Variants in SOX5 observed in about 807,000 individuals in gnomAD.
SOX5 encodes the protein SRY-box transcription factor 5.
A neutral mutation model predicts 92.0 loss-of-function variants in SOX5; 9 were observed. The observed-to-expected ratio is 0.10, with a 90% confidence interval of 0.06 to 0.17. The LOEUF (loss-of-function observed/expected upper bound fraction) is 0.17, where lower values mean the gene tolerates loss of function less well. Ranked by LOEUF, SOX5 falls within the 10% of genes least tolerant of loss-of-function variation. The probability of loss-of-function intolerance (pLI) is 1.00; values close to 1 mark genes in which losing one functional copy is unlikely to be tolerated. For missense variants in SOX5, 642 were observed against 944.5 expected (o/e 0.68, Z 4.20); for synonymous variants, 344 against 336.3 (o/e 1.02, Z -0.25).
intron 4 of SOX5, among the ~76,000 whole-genome samples, chr12:24,062,950 T>G (rs907618360): frequency 3.9e-5 from 6 of 152,216 alleles, no homozygotes; most frequent in African/African-American, 1.4e-4. Context: ...TGTACAGTGA[T>G]TTAAGAATGA....
At chr12:23,917,947 A>C (rs564694044) in intron 1 of SOX5, among the ~76,000 whole-genome samples, 2 of 152,304 alleles carry the variant, frequency 1.3e-5, no homozygotes, top group African/African-American at 4.8e-5. Context: ...ACTAATTATG[A>C]GTAATTCTTC....
chr12:24,185,216 A>G (rs1955894978), intron 4 of SOX5, among the ~76,000 whole-genome samples: 1 of 152,124 alleles, frequency 6.6e-6, no homozygotes, highest in East Asian at 1.9e-4. Context: ...AGGGATCTTT[A>G]CAAACTAAAC....
At chr12:24,473,827 G>C (rs1322699920) in intron 1 of SOX5, among the ~76,000 whole-genome samples, 2 of 152,064 alleles carry the variant, frequency 1.3e-5, no homozygotes, top group African/African-American at 4.8e-5. Flanking sequence ...ATCTATAATC[G>C]AAGATAGAGT....
chr12:23,671,634 A>G (rs1005717183), intron 6 of SOX5, among the ~76,000 whole-genome samples: 2 of 152,176 alleles, frequency 1.3e-5, no homozygotes, highest in African/African-American at 2.4e-5. Context: ...AAGAAAGTCA[A>G]TTTGTCAGTT....
chr12:23,959,719 A>G (rs1402690563), intron 4 of SOX5, among the ~76,000 whole-genome samples: 1 of 152,200 alleles, frequency 6.6e-6, no homozygotes, highest in Admixed American at 6.5e-5. Flanking sequence ...TAGTAAAATA[A>G]GCAAGCAATA....
intron 4 of SOX5, among the ~76,000 whole-genome samples, chr12:24,153,641 T>C (rs1951876768): frequency 6.6e-6 from 1 of 152,070 alleles, no homozygotes; most frequent in Admixed American, 6.6e-5. Flanking sequence ...TCTTGCACAC[T>C]CCACTGAAAT....
At chr12:23,763,258 A>T (rs2094613716) in intron 3 of SOX5, among the ~76,000 whole-genome samples, 1 of 152,200 alleles carries the variant, frequency 6.6e-6, no homozygotes, top group South Asian at 2.1e-4. Flanking sequence ...GAGATAATTT[A>T]TGTAACGCCA....
intron 3 of SOX5, among the ~76,000 whole-genome samples, chr12:24,239,002 G>A (rs1965059993): frequency 6.6e-6 from 1 of 152,150 alleles, no homozygotes; most frequent in South Asian, 2.1e-4. Context: ...GAATAGATCT[G>A]CCTTTTATTT....
intron 6 of SOX5, among the ~76,000 whole-genome samples, chr12:23,686,720 C>A (rs2139932726): frequency 6.6e-6 from 1 of 152,088 alleles, no homozygotes; most frequent in East Asian, 1.9e-4. Context: ...AAAGGAAATT[C>A]TTTTTCCTTT....
intron 4 of SOX5, among the ~76,000 whole-genome samples, chr12:24,101,443 G>A (rs1483909752): frequency 6.6e-6 from 1 of 151,776 alleles, no homozygotes; most frequent in Non-Finnish European, 1.5e-5. Context: ...ACTAACACTC[G>A]TTTCAATCTA....
At chr12:23,670,832 T>C (rs1023417374) in intron 6 of SOX5, among the ~76,000 whole-genome samples, 12 of 152,022 alleles carry the variant, frequency 7.9e-5, no homozygotes, top group Non-Finnish European at 4.4e-5. Context: ...AAAAGAGTGA[T>C]AGAAGATGCC....
chr12:24,229,330 T>A (rs1962864186), intron 3 of SOX5, among the ~76,000 whole-genome samples: 1 of 152,148 alleles, frequency 6.6e-6, no homozygotes, highest in African/African-American at 2.4e-5. Flanking sequence ...AGTGTCGAAC[T>A]GAGAATTGCA....
rs939677303 is a variant in SOX5, at chr12:24,053,411, T to C, written c.-1-157387A>G. The stretch of plus-strand genomic sequence containing the variant: ...TCCCAAAGTGCTGTGATTATAGGCA[T>C]GAGCTACCGCGCCTGGCCCCGTACT... On this transcript the variant is annotated intron_variant, in intron 4 of 4. Coordinates refer to the SOX5 transcript ENST00000446891. Among the ~76,000 whole-genome samples the C allele has an allele frequency of 9.9e-5, 15 of 152,128 alleles. 1 individual carries two copies. Among genetic ancestry groups the C allele is most frequent in the African/African-American group, 3.1e-4 (13 of 41,398 alleles).
At chr12:23,932,371 AC>A (rs760712418) in intron 1 of SOX5, among the ~76,000 whole-genome samples, 13 of 151,600 alleles carry the variant, frequency 8.6e-5, no homozygotes, top group Non-Finnish European at 1.0e-4. Flanking sequence ...GCTTGACTGG[AC>A]CCTTGATTTT....
intron 4 of SOX5, among the ~76,000 whole-genome samples, chr12:24,054,777 C>T (rs755471132): frequency 2.0e-5 from 3 of 152,198 alleles, no homozygotes; most frequent in Admixed American, 6.5e-5. Context: ...AATGTCACTT[C>T]GTCTTAAGAC....
chr12:24,526,018 G>A (rs1007849020), intron 1 of SOX5, among the ~76,000 whole-genome samples: 2 of 151,968 alleles, frequency 1.3e-5, no homozygotes, highest in Non-Finnish European at 2.9e-5. Flanking sequence ...CCACAAGCAC[G>A]CACCACCATG....
chr12:24,393,829 T>C lies in SOX5; in HGVS notation c.-250-25190A>G, dbSNP rs1044938774. On this transcript the variant is annotated intron_variant, in intron 1 of 4. Transcript: ENST00000446891. This position sits in a 1 kb window ranked among gnomAD's most constrained non-coding sequence, Gnocchi z 5.0. ...CATATTACATATGCAATACAACACA[T>C]ACCTCTTTCTTCAAAAGTTTAAAAG... Among the ~76,000 whole-genome samples the C allele has an allele frequency of 1.3e-5, 2 of 152,176 alleles. No homozygotes were observed. Among genetic ancestry groups the C allele is most frequent in the Admixed American group, 6.5e-5 (1 of 15,268 alleles).
At chr12:23,547,599 A>G (rs1017836161) in intron 11 of SOX5, among the ~76,000 whole-genome samples, 1 of 152,058 alleles carries the variant, frequency 6.6e-6, no homozygotes, top group African/African-American at 2.4e-5. Context: ...GTCTCTGACA[A>G]TGTGACAACT....
chr12:23,894,296 C>T (rs1225480130), intron 2 of SOX5, among the ~76,000 whole-genome samples: 4 of 152,094 alleles, frequency 2.6e-5, no homozygotes, highest in East Asian at 3.9e-4. Context: ...GGTGCGATCT[C>T]GGCTCACTGC....
Sources: gnomAD v4.1 joint callset for allele counts (sites outside exome capture counted in the v4.1 genomes callset) on GRCh38, gnomAD v4.1.1 for gene constraint, Gnocchi (gnomAD v3.1) non-coding constraint, MANE v1.5 for transcripts, NCBI Gene and HGNC (gene_info 2026-07-23, HGNC 2026-07-21) for gene names.